Variants in GLS observed in about 807,000 individuals in gnomAD.
GLS encodes glutaminase kidney isoform, mitochondrial.
In GLS, 36 loss-of-function variants were observed where a neutral mutation model predicts 86.7. The ratio of observed to expected loss-of-function variants is 0.42; its 90% CI spans 0.32 to 0.55. The LOEUF (loss-of-function observed/expected upper bound fraction) is 0.55, where lower values mean the gene tolerates loss of function less well. Ranked by LOEUF, GLS falls within the 20% of genes least tolerant of loss-of-function variation. The pLI, the probability that GLS is intolerant of heterozygous loss-of-function variation, is 0.17. For synonymous variants in GLS, 317 were observed against 305.9 expected, an observed-to-expected ratio of 1.04 and a Z score of -0.38; for missense variants, 528 against 833.4, an observed-to-expected ratio of 0.63 and a Z score of 4.51.
chr2:190,932,930 A>G, intron 14 of GLS: 1 of 1,356,512 alleles, frequency 7.4e-7, no homozygotes, highest in Non-Finnish European at 9.5e-7. Context: ...TTTTTTTTGC[A>G]AGTTATAAAT....
rs1690818217 is a variant in GLS at position 190,954,781 on chromosome 2, C to T, written c.1816C>T (p.Leu606=). The change falls in exon 17 of 18, where the codon CTG becomes TTG. Residue 606 remains leucine (L), a synonymous_variant. Coordinates refer to ENST00000320717, the MANE Select transcript of GLS (RefSeq NM_014905.5). The surrounding 1 kb of genome is among the most constrained non-coding windows in gnomAD (Gnocchi z 4.0). ...EGHVEVVKFL[L]EACKVNPFPK... ...TCATGTTGAAGTTGTTAAATTTTTGCTGGAAGCCTGCAAAGTAAACCCTTT... is the reference window on the plus strand; with the variant it reads ...TCATGTTGAAGTTGTTAAATTTTTGTTGGAAGCCTGCAAAGTAAACCCTTT... 1.2e-6 allele frequency: 2 copies of T among 1,613,476 alleles called. No individual in the cohort carries two copies. Among genetic ancestry groups the T allele is most frequent in the Admixed American group, 1.7e-5 (1 of 59,904 alleles).
rs1173188930 is a variant in GLS at position 190,923,217 on chromosome 2, T to C, written c.1131-700T>C. On this transcript the variant is annotated intron_variant, in intron 9 of 17. Coordinates refer to ENST00000320717, the MANE Select transcript of GLS (RefSeq NM_014905.5). ...TGCAGATCTGATTAGGTAACTTCTT[T>C]GTAAGCCCTCAGGCTTTTGTTTTGT... Among the ~76,000 whole-genome samples, 3 of 152,354 alleles carry C rather than the reference T, an allele frequency of 2.0e-5. No individual in the cohort carries two copies. The South Asian group carries it at 6.2e-4, about 32-fold the overall frequency.
At chr2:190,907,409 C>A (rs1689193078) in intron 6 of GLS, among the ~76,000 whole-genome samples, 1 of 152,036 alleles carries the variant, frequency 6.6e-6, no homozygotes. Flanking sequence ...AGGCATGTGC[C>A]ACCACCCTGG....
chr2:190,935,316 G>A lies in GLS; in HGVS notation c.1650+3679G>A, dbSNP rs547568474. 1 of 410,304 alleles carries A rather than the reference G, an allele frequency of 2.4e-6. No homozygotes were observed. The allele number at this position is 410,304 out of a possible 1,614,324, so 25.4% of individuals were successfully genotyped here. On this transcript the variant is annotated intron_variant, in intron 14 of 17. Coordinates refer to ENST00000320717, the MANE Select transcript of GLS (RefSeq NM_014905.5). The surrounding 1 kb of genome is among the most constrained non-coding windows in gnomAD (Gnocchi z 4.2). ...TTTATTGTTTTTTTTGTTTTGTTTT[G>A]TTTTGTTTTTATAAAAGCAACTTCA...
In GLS at chr2:190,924,456, G is replaced by A. The variant is rs1453732721; in HGVS notation, c.1198-87G>A. On this transcript the variant is annotated intron_variant, in intron 10 of 17. Coordinates refer to ENST00000320717, the MANE Select transcript of GLS (RefSeq NM_014905.5). This position sits in a 1 kb window ranked among gnomAD's most constrained non-coding sequence, Gnocchi z 5.2. ...TTTTATTAATTAAAATGAAACACTT[G>A]TGTACATTTGAAATTTTTCATATAT... 1.3e-6 allele frequency: 1 copy of A among 747,470 alleles called. No individual in the cohort carries two copies. The highest frequency in any genetic ancestry group is 1.7e-5 in the African/African-American group (1 of 57,784). The allele number at this position is 747,470 out of a possible 1,614,324, so 46.3% of individuals were successfully genotyped here.
intron 1 of GLS, among the ~76,000 whole-genome samples, chr2:190,887,334 C>T (rs1688418841): frequency 1.3e-5 from 2 of 152,022 alleles, no homozygotes; most frequent in African/African-American, 4.8e-5. Flanking sequence ...TTTCTGACCC[C>T]CTACAACGTA....
Position 190,881,634 on chromosome 2 carries a change from C to T in GLS, c.386+164C>T, listed in dbSNP as rs904313949. On this transcript the variant is annotated intron_variant, in intron 1 of 17. Coordinates refer to ENST00000320717, the MANE Select transcript of GLS (RefSeq NM_014905.5). ...GTCTGCGCCATGTGATTAGGCCCGG[C>T]CCCGCCCGCGCCTTCCCCGCCCGCA... The T allele has an allele frequency of 3.4e-5, 21 of 626,618 alleles. No individual in the cohort carries two copies. In the East Asian group the frequency reaches 4.2e-4, roughly 12 times the overall value. The allele number at this position is 626,618 out of a possible 1,614,324, so 38.8% of individuals were successfully genotyped here.
chr2:190,914,689 T>C lies in GLS; in HGVS notation c.1038+4368T>C, dbSNP rs1340135234. On this transcript the variant is annotated intron_variant, in intron 7 of 17. Transcript: ENST00000320717. The surrounding 1 kb of genome is among the most constrained non-coding windows in gnomAD (Gnocchi z 4.4). The stretch of plus-strand genomic sequence containing the variant: ...TCCTCTATGATCTCTAATTTTTAAT[T>C]GGCTTGCACCTCCATACTTTATGAA... 6.6e-6 allele frequency among the ~76,000 whole-genome samples: 1 copy of C among 152,166 alleles called. No homozygotes were observed. Among genetic ancestry groups the C allele is most frequent in the Non-Finnish European group, 1.5e-5 (1 of 68,028 alleles).
In GLS at chr2:190,895,043, A is replaced by G; in HGVS notation, c.387-109A>G. ...TTATTATGACTGTAGTCTTGAGTATATGAGCTCAGCTGTAGTCTAGTTTAG... is the reference window on the plus strand; with the variant it reads ...TTATTATGACTGTAGTCTTGAGTATGTGAGCTCAGCTGTAGTCTAGTTTAG... On this transcript the variant is annotated intron_variant, in intron 1 of 17. Coordinates refer to ENST00000320717, the MANE Select transcript of GLS (RefSeq NM_014905.5). The surrounding 1 kb of genome is among the most constrained non-coding windows in gnomAD (Gnocchi z 4.2). The G allele has an allele frequency of 1.8e-6, 1 of 565,370 alleles. No individual in the cohort carries two copies. Among genetic ancestry groups the G allele is most frequent in the Non-Finnish European group, 3.3e-6 (1 of 307,152 alleles). The allele number at this position is 565,370 out of a possible 1,614,324, so 35.0% of individuals were successfully genotyped here.
Position 190,948,367 on chromosome 2 carries a change from A to G in GLS, c.1651-5198A>G, listed in dbSNP as rs191849186. ...TTTTCTCATGCTTTTGAATAACAAT[A>G]TACTCTGAATAAACCAAGTATATTC... On this transcript the variant is annotated intron_variant, in intron 14 of 17. Coordinates refer to ENST00000320717, the MANE Select transcript of GLS (RefSeq NM_014905.5). Among the ~76,000 whole-genome samples, 461 of 152,308 alleles carry G rather than the reference A, an allele frequency of 3.0e-3. 7 individuals carry two copies. The highest frequency in any genetic ancestry group is 0.01 in the African/African-American group (428 of 41,570).
chr2:190,941,105 C>T (rs556196993), intron 14 of GLS, among the ~76,000 whole-genome samples: 3 of 152,130 alleles, frequency 2.0e-5, no homozygotes, highest in African/African-American at 7.2e-5. Flanking sequence ...TATTTCTTGC[C>T]TAATATGTGC....
At chr2:190,906,438 G>T (rs1052712282) in intron 6 of GLS, among the ~76,000 whole-genome samples, 1 of 152,010 alleles carries the variant, frequency 6.6e-6, no homozygotes, top group African/African-American at 2.4e-5. Context: ...TATAAGTAAT[G>T]AATTTTTTTG....
intron 14 of GLS, among the ~76,000 whole-genome samples, chr2:190,941,201 A>G (rs1301574142): frequency 6.6e-6 from 1 of 152,234 alleles, no homozygotes; most frequent in African/African-American, 2.4e-5. Context: ...AAGCAGGGAT[A>G]CAGGTACTGA....
chr2:190,895,142 A>C lies in GLS; in HGVS notation c.387-10A>C. 8.4e-7 allele frequency: 1 copy of C among 1,196,466 alleles called. No homozygotes were observed. Among genetic ancestry groups the C allele is most frequent in the South Asian group, 1.3e-5 (1 of 75,894 alleles). The allele number at this position is 1,196,466 out of a possible 1,614,324, so 74.1% of individuals were successfully genotyped here. On this transcript the variant is annotated splice_polypyrimidine_tract_variant and intron_variant, in intron 1 of 17. Transcript: ENST00000320717. The surrounding 1 kb of genome is among the most constrained non-coding windows in gnomAD (Gnocchi z 4.2). ...CAAGGATTAATTTTGTGTTCTTTCT[A>C]CCTCTTTAGTAAAATAAAACAGGGT...
Position 190,963,121 on chromosome 2 carries a change from T to C in GLS, c.*135T>C. ...TTCAGTGTTACTGGAGTTTTCTTCA[T>C]TGTGCACACAGGACAAATCTGATCT... On this transcript the variant is annotated 3_prime_UTR_variant, in exon 18 of 18. Transcript: ENST00000320717. 1.6e-6 allele frequency: 1 copy of C among 636,530 alleles called. No homozygotes were observed. The highest frequency in any genetic ancestry group is 2.6e-6 in the Non-Finnish European group (1 of 380,594). 39.4% of individuals were successfully genotyped at this position (636,530 alleles called of 1,614,324 possible).
intron 1 of GLS, among the ~76,000 whole-genome samples, chr2:190,883,525 A>G (rs1466900274): frequency 6.6e-6 from 1 of 152,246 alleles, no homozygotes; most frequent in African/African-American, 2.4e-5. Context: ...AAAGGCTTAG[A>G]ACAATATTTG....
chr2:190,956,748 T>G lies in GLS; in HGVS notation c.1853+1930T>G, dbSNP rs1394913987. ...TTCTAGCCACGAGCATGGAATGTTT[T>G]TCCATTTGTTTGTGTCCTCTCTTTA... On this transcript the variant is annotated intron_variant, in intron 17 of 17. Coordinates refer to ENST00000320717, the MANE Select transcript of GLS (RefSeq NM_014905.5). This position sits in a 1 kb window ranked among gnomAD's most constrained non-coding sequence, Gnocchi z 4.2. Among the ~76,000 whole-genome samples the G allele has an allele frequency of 6.6e-6, 1 of 152,210 alleles. No individual in the cohort carries two copies. Among genetic ancestry groups the G allele is most frequent in the African/African-American group, 2.4e-5 (1 of 41,454 alleles).
At chr2:190,950,405 C>G (rs1358365247) in intron 14 of GLS, among the ~76,000 whole-genome samples, 1 of 152,020 alleles carries the variant, frequency 6.6e-6, no homozygotes, top group Non-Finnish European at 1.5e-5. Flanking sequence ...AGGCCTAAGG[C>G]AATAGTGATA....
intron 17 of GLS, among the ~76,000 whole-genome samples, chr2:190,960,605 G>C (rs1253511396): frequency 8.6e-5 from 13 of 151,594 alleles, no homozygotes; most frequent in Non-Finnish European, 1.9e-4. Flanking sequence ...CCAACTCCTG[G>C]GCTCAAGCGG....
Sources: allele counts gnomAD v4.1 joint callset (sites outside exome capture counted in the v4.1 genomes callset), GRCh38; gene constraint gnomAD v4.1.1; non-coding constraint Gnocchi (gnomAD v3.1); transcripts MANE v1.5; gene names NCBI Gene and HGNC (gene_info 2026-07-23, HGNC 2026-07-21).